WDPCP: variants seen among roughly 807,000 people sequenced by gnomAD.
WDPCP encodes the protein WD repeat-containing and planar cell polarity effector protein fritz homolog.
In WDPCP, 71 loss-of-function variants were observed where a neutral mutation model predicts 93.1. The observed-to-expected ratio is 0.76, with a 90% CI of 0.63 to 0.93. The LOEUF (loss-of-function observed/expected upper bound fraction) is 0.93, where lower values mean the gene tolerates loss of function less well. Ranked by LOEUF, WDPCP falls within the 40% of genes least tolerant of loss-of-function variation. WDPCP has a pLI of 0.00. For missense variants in WDPCP, 844 were observed against 887.4 expected, an observed-to-expected ratio of 0.95 and a Z score of 0.62; for synonymous variants, 315 against 315.0, an observed-to-expected ratio of 1.00 and a Z score of 0.00.
chr2:63,466,094 A>T (rs1699330989), intron 6 of WDPCP, among the ~76,000 whole-genome samples: 1 of 152,166 alleles, frequency 6.6e-6, no homozygotes, highest in Admixed American at 6.6e-5. Flanking sequence ...ACACAAAAAT[A>T]GACCAATTTA....
At chr2:63,575,388 CGG>C (rs1302867303) in intron 1 of WDPCP, among the ~76,000 whole-genome samples, 6 of 110,358 alleles carry the variant, frequency 5.4e-5, no homozygotes, top group Admixed American at 9.6e-5. Flanking sequence ...AGTATATACA[CGG>C]TATATACAGT....
intron 2 of WDPCP, among the ~76,000 whole-genome samples, chr2:63,763,782 AT>A (rs1670096815): frequency 6.6e-6 from 1 of 152,152 alleles, no homozygotes; most frequent in South Asian, 2.1e-4. Flanking sequence ...GTGCCAAAAA[AT>A]TGCTGTTAGA....
At position 63,768,339 on chromosome 2, in the gene WDPCP, C is replaced by CT. The variant is rs575874605; in HGVS notation, n.308+45282dup. 3.2e-3 allele frequency among the ~76,000 whole-genome samples: 445 copies of CT among 137,376 alleles called. 1 individual carries two copies. The highest frequency in any genetic ancestry group is 6.4e-3 in the African/African-American group (240 of 37,762). 90.1% of individuals were successfully genotyped at this position (137,376 alleles called of 152,430 possible). ...CAGTATAAGTGTGCCATTTTTGTTCCTTTTTTTTTTTTTTCCAAATTGTTT... is the reference window on the plus strand; with the variant it reads ...CAGTATAAGTGTGCCATTTTTGTTCCTTTTTTTTTTTTTTTCCAAATTGTTT... On this transcript the variant is annotated intron_variant and non_coding_transcript_variant, in intron 2 of 4. Transcript: ENST00000467687.
intron 6 of WDPCP, chr2:63,440,329 AT>A (rs1558638600): frequency 6.5e-6 from 1 of 152,714 alleles, no homozygotes; most frequent in Non-Finnish European, 1.5e-5. Context: ...AATGTTATGC[AT>A]TTATTTGGAA....
chr2:63,560,953 C>CACA (rs1706565648), intron 1 of WDPCP, among the ~76,000 whole-genome samples: 2 of 152,296 alleles, frequency 1.3e-5, no homozygotes, highest in South Asian at 2.1e-4. Context: ...GCACGTTGTG[C>CACA]ACATGTACCC....
chr2:63,213,289 C>T (rs1212987054), intron 14 of WDPCP, among the ~76,000 whole-genome samples: 2 of 152,150 alleles, frequency 1.3e-5, no homozygotes, highest in African/African-American at 4.8e-5. Flanking sequence ...GACCACAGGG[C>T]AATCAAACTA....
At position 63,492,858 on chromosome 2, in the gene WDPCP, G is replaced by T; in HGVS notation, c.158C>A (p.Ala53Glu). The T allele has an allele frequency of 3.1e-6, 5 of 1,612,916 alleles. No individual in the cohort carries two copies. Among genetic ancestry groups the T allele is most frequent in the Non-Finnish European group, 4.2e-6 (5 of 1,179,350 alleles). The change falls in exon 2 of 18, where the codon GCG becomes GAG. Residue 53 changes from alanine to glutamate, a missense_variant and splice_region_variant. Coordinates refer to ENST00000272321, the MANE Select transcript of WDPCP (RefSeq NM_015910.7). ...LWSLKNTLHI[A>E]DRDIGIYQYY... ...AAATTAATCCAGAGCTCATTTACCC[G>T]CAATGTGTAAGGTATTCTTCAAAGA...
At chr2:63,362,200 T>C (rs978414320) in intron 12 of WDPCP, among the ~76,000 whole-genome samples, 1 of 151,688 alleles carries the variant, frequency 6.6e-6, no homozygotes, top group Non-Finnish European at 1.5e-5. Flanking sequence ...GCAACCCAAT[T>C]TTTTCCTCTT....
upstream of WDPCP, chr2:63,590,634 T>C (rs959768827): frequency 2.6e-5 from 4 of 152,216 alleles, no homozygotes; most frequent in Non-Finnish European, 5.9e-5. Flanking sequence ...ACTCTTATAA[T>C]GTAGTCTGGT....
chr2:63,272,438 G>C (rs914777138), intron 13 of WDPCP, among the ~76,000 whole-genome samples: 2 of 152,106 alleles, frequency 1.3e-5, no homozygotes, highest in Non-Finnish European at 2.9e-5. Flanking sequence ...CAAGAAACAT[G>C]AAAAGGCAAG....
At chr2:63,562,629 C>A (rs1354567773) in intron 1 of WDPCP, among the ~76,000 whole-genome samples, 1 of 152,100 alleles carries the variant, frequency 6.6e-6, no homozygotes, top group Non-Finnish European at 1.5e-5. Flanking sequence ...ATGAGAATTG[C>A]CAAAGATGAT....
chr2:63,537,487 G>C (rs1447669737), intron 1 of WDPCP, among the ~76,000 whole-genome samples: 1 of 152,130 alleles, frequency 6.6e-6, no homozygotes, highest in African/African-American at 2.4e-5. Flanking sequence ...TGATACACAA[G>C]ACCATGCATG....
chr2:63,726,457 C>G (rs182114213), intron 2 of WDPCP, among the ~76,000 whole-genome samples: 1 of 152,160 alleles, frequency 6.6e-6, no homozygotes, highest in African/African-American at 2.4e-5. Flanking sequence ...TAGCCCTGTA[C>G]TGTAGTTTGA....
At chr2:63,173,937 G>A (rs895977041) in intron 15 of WDPCP, among the ~76,000 whole-genome samples, 6 of 152,122 alleles carry the variant, frequency 3.9e-5, no homozygotes, top group Admixed American at 6.6e-5. Flanking sequence ...ATAAACCAGG[G>A]AACAGATCTG....
intron 12 of WDPCP, among the ~76,000 whole-genome samples, chr2:63,336,955 A>G (rs1688425990): frequency 7.5e-6 from 1 of 133,920 alleles, no homozygotes; most frequent in Non-Finnish European, 1.5e-5. Context: ...GTGCAGTGGC[A>G]TGATCTCAGA....
At chr2:63,681,060 G>A (rs1710486753) in intron 2 of WDPCP, among the ~76,000 whole-genome samples, 1 of 152,162 alleles carries the variant, frequency 6.6e-6, no homozygotes. Flanking sequence ...TACAGCATGG[G>A]CCTTGGGTGA....
chr2:63,729,942 T>C lies in WDPCP; in HGVS notation n.309-79104A>G, dbSNP rs118159470. Among the ~76,000 whole-genome samples, 18 of 152,322 alleles carry C rather than the reference T, an allele frequency of 1.2e-4. No homozygotes were observed. In the East Asian group the frequency reaches 3.3e-3, roughly 28 times the overall value. On this transcript the variant is annotated intron_variant and non_coding_transcript_variant, in intron 2 of 4. Transcript: ENST00000467687. The stretch of plus-strand genomic sequence containing the variant: ...ATATAGTCCATGCTCATTTTTCTAC[T>C]TGGTGCTTCATTGGCTGGCATTTAT...
chr2:63,517,776 T>C (rs1480728387), intron 1 of WDPCP: 1 of 152,246 alleles, frequency 6.6e-6, no homozygotes, highest in Non-Finnish European at 1.5e-5. Context: ...AAATGTTTCT[T>C]TGTTTTACAT....
rs116457687 is a variant in WDPCP, at chr2:63,513,465, T to C, written c.76-20525A>G. On this transcript the variant is annotated intron_variant, in intron 1 of 17. Transcript: ENST00000272321. ...GGCATGCTGAGCACTTTAAAGGGGA[T>C]TTGAAGGTCTCTGAAGCAAGGTATC... Among the ~76,000 whole-genome samples, 721 of 152,132 alleles carry C rather than the reference T, an allele frequency of 4.7e-3. 3 individuals carry two copies. Among genetic ancestry groups the C allele is most frequent in the Middle Eastern group, 0.01 (3 of 294 alleles).
Sources: allele counts gnomAD v4.1 joint callset (sites outside exome capture counted in the v4.1 genomes callset), GRCh38; gene constraint gnomAD v4.1.1; transcripts MANE v1.5; gene names NCBI Gene and HGNC (gene_info 2026-07-23, HGNC 2026-07-21).